Variants in MTFR1 observed in about 807,000 individuals in gnomAD.
MTFR1 encodes chondrocyte protein with a poly-proline region.
A neutral mutation model predicts 38.8 loss-of-function variants in MTFR1; 28 were observed. The ratio of observed to expected loss-of-function variants is 0.72; its 90% CI spans 0.53 to 0.99. MTFR1 has a LOEUF of 0.99. Among genes scored for constraint, MTFR1 ranks in the 50% least tolerant of loss-of-function variants. The pLI, the probability that MTFR1 is intolerant of heterozygous loss-of-function variation, is 0.00. For synonymous variants in MTFR1, 145 were observed against 137.0 expected (o/e 1.06, Z -0.41); for missense variants, 358 against 395.5 (o/e 0.91, Z 0.81).
the MTFR1 span, among the ~76,000 whole-genome samples, chr8:65,777,782 C>T: frequency 1.3e-5 from 2 of 152,062 alleles, no homozygotes; most frequent in East Asian, 1.9e-4. Context: ...CATAATTGCT[C>T]CTTTGAAAGT....
At chr8:65,697,155 T>C (rs1256227585) in intron 4 of MTFR1, among the ~76,000 whole-genome samples, 1 of 151,778 alleles carries the variant, frequency 6.6e-6, no homozygotes, top group Non-Finnish European at 1.5e-5. Context: ...TAGCTAATTT[T>C]TGTATTTTTA....
At chr8:65,764,522 T>A (rs933132656) in intron 3 of MTFR1, among the ~76,000 whole-genome samples, 4 of 152,160 alleles carry the variant, frequency 2.6e-5, no homozygotes, top group Non-Finnish European at 4.4e-5. Flanking sequence ...AAAAATACTA[T>A]AATGAAGAAA....
At chr8:65,726,378 C>A (rs542209627) in intron 3 of MTFR1, among the ~76,000 whole-genome samples, 4 of 152,080 alleles carry the variant, frequency 2.6e-5, no homozygotes, top group African/African-American at 9.6e-5. Context: ...TTATTATATC[C>A]TATAGCTCTA....
At chr8:65,734,672 T>C (rs1807047848) in intron 3 of MTFR1, 1 of 643,282 alleles carries the variant, frequency 1.6e-6, no homozygotes, top group African/African-American at 1.8e-5. Context: ...CAGCTAGATC[T>C]CATTCTTGTG....
At chr8:65,650,773 G>A (rs940458315) in intron 1 of MTFR1, among the ~76,000 whole-genome samples, 1 of 152,160 alleles carries the variant, frequency 6.6e-6, no homozygotes, top group Non-Finnish European at 1.5e-5. Context: ...TGGCACGGCA[G>A]ATATTGCTTC....
intron 3 of MTFR1, chr8:65,723,130 G>A (rs1806455302): frequency 6.5e-6 from 1 of 153,898 alleles, no homozygotes; most frequent in Non-Finnish European, 1.4e-5. Flanking sequence ...GAAAGGCAGT[G>A]GCAGAAGCTG....
chr8:65,724,684 C>G, intron 3 of MTFR1: 1 of 1,102,924 alleles, frequency 9.1e-7, no homozygotes, highest in Non-Finnish European at 1.3e-6. Context: ...CAAGATTTAA[C>G]CATTCTGAAA....
At chr8:65,672,288 C>T (rs1804584865) in intron 2 of MTFR1, among the ~76,000 whole-genome samples, 1 of 152,174 alleles carries the variant, frequency 6.6e-6, no homozygotes, top group African/African-American at 2.4e-5. Flanking sequence ...TTGGGGTTAA[C>T]TAATTTCCAG....
chr8:65,750,804 TA>T (rs200469728), intron 3 of MTFR1, among the ~76,000 whole-genome samples: 1 of 149,162 alleles, frequency 6.7e-6, no homozygotes, highest in Admixed American at 6.7e-5. Context: ...TCCTTAACTG[TA>T]AAAAAAAAAT....
intron 1 of MTFR1, among the ~76,000 whole-genome samples, chr8:65,664,178 A>T (rs1465672095): frequency 1.3e-5 from 2 of 152,176 alleles, no homozygotes; most frequent in Non-Finnish European, 2.9e-5. Flanking sequence ...ATACCTGGGT[A>T]CTCAAGCGAA....
At chr8:65,652,585 C>T (rs1044073873) in intron 1 of MTFR1, among the ~76,000 whole-genome samples, 2 of 152,108 alleles carry the variant, frequency 1.3e-5, no homozygotes, top group Non-Finnish European at 2.9e-5. Context: ...TTTGATTTCA[C>T]TTTGGTTAAT....
chr8:65,708,121 G>A, intron 7 of MTFR1, 110 bp downstream of exon 7: 1 of 1,599,842 alleles, frequency 6.3e-7, no homozygotes, highest in South Asian at 1.1e-5. Context: ...TCCAAAGGGA[G>A]GTGATACAGG....
intron 1 of MTFR1, among the ~76,000 whole-genome samples, chr8:65,650,296 C>T (rs1263292067): frequency 2.0e-5 from 3 of 150,784 alleles, no homozygotes; most frequent in South Asian, 4.2e-4. Context: ...CTCAGCCTCC[C>T]GAGTAGCTGG....
At chr8:65,751,219 A>G (rs896621484) in intron 3 of MTFR1, among the ~76,000 whole-genome samples, 1 of 152,246 alleles carries the variant, frequency 6.6e-6, no homozygotes. Context: ...CAGAGATGCC[A>G]ACTAAAACTA....
intron 4 of MTFR1, among the ~76,000 whole-genome samples, chr8:65,697,611 C>T (rs1267188881): frequency 6.6e-6 from 1 of 152,088 alleles, no homozygotes; most frequent in South Asian, 2.1e-4. Context: ...TTTTGAGTGA[C>T]TGACTATAAG....
chr8:65,733,002 C>A (rs1806963494), intron 3 of MTFR1, among the ~76,000 whole-genome samples: 1 of 152,088 alleles, frequency 6.6e-6, no homozygotes, highest in Non-Finnish European at 1.5e-5. Flanking sequence ...AGTCACCGTG[C>A]CCAGTCCTGG....
At chr8:65,758,386 T>C (rs1341558213) in intron 3 of MTFR1, among the ~76,000 whole-genome samples, 1 of 152,178 alleles carries the variant, frequency 6.6e-6, no homozygotes, top group Non-Finnish European at 1.5e-5. Flanking sequence ...GGAAAAAATG[T>C]TTTTAGGTGA....
intron 3 of MTFR1, among the ~76,000 whole-genome samples, chr8:65,749,028 T>C (rs143067875): frequency 3.3e-5 from 5 of 152,328 alleles, no homozygotes; most frequent in African/African-American, 9.6e-5. Context: ...ACGCTCCAAG[T>C]CTGGCTCTTT....
intron 3 of MTFR1, among the ~76,000 whole-genome samples, chr8:65,747,137 A>G (rs1012964710): frequency 6.6e-6 from 1 of 152,200 alleles, no homozygotes; most frequent in Non-Finnish European, 1.5e-5. Flanking sequence ...GCAAGAGACT[A>G]TCAAGACTCA....
Sources: allele counts gnomAD v4.1 joint callset (sites outside exome capture counted in the v4.1 genomes callset), GRCh38; gene constraint gnomAD v4.1.1; transcripts MANE v1.5; gene names NCBI Gene and HGNC (gene_info 2026-07-23, HGNC 2026-07-21).